Variants in OR52N2 observed in about 807,000 individuals in gnomAD.
The protein encoded by OR52N2 is olfactory receptor family 52 subfamily N member 2, also known as olfactory receptor 52N2.
For missense variants in OR52N2, 326 were observed against 196.6 expected, an observed-to-expected ratio of 1.66 and a Z score of -3.94; for synonymous variants, 129 against 72.0, an observed-to-expected ratio of 1.79 and a Z score of -4.01.
chr11:5,815,360 T>G (rs1316407174), intron 1 of OR52N2, among the ~76,000 whole-genome samples: 1 of 151,996 alleles, frequency 6.6e-6, no homozygotes, highest in African/African-American at 2.4e-5. Context: ...AAAATATATA[T>G]AGAGCTCCTA....
At chr11:5,818,111 A>G (rs1414378522) in intron 1 of OR52N2, among the ~76,000 whole-genome samples, 2 of 152,176 alleles carry the variant, frequency 1.3e-5, no homozygotes, top group African/African-American at 4.8e-5. Flanking sequence ...AAAACTTTTT[A>G]GAGGGCTTAT....
At chr11:5,809,669 A>G (rs1846339429) in intron 1 of OR52N2, among the ~76,000 whole-genome samples, 1 of 152,136 alleles carries the variant, frequency 6.6e-6, no homozygotes. Flanking sequence ...AAAAAAGTAA[A>G]GCTATTTTCA....
intron 1 of OR52N2, among the ~76,000 whole-genome samples, chr11:5,812,558 A>T (rs560492939): frequency 6.6e-6 from 1 of 151,982 alleles, no homozygotes; most frequent in Admixed American, 6.5e-5. Flanking sequence ...AGGTAATTAT[A>T]TATTGATACA....
At chr11:5,817,050 T>C (rs941067698) in intron 1 of OR52N2, among the ~76,000 whole-genome samples, 2 of 152,216 alleles carry the variant, frequency 1.3e-5, no homozygotes, top group African/African-American at 4.8e-5. Context: ...TATACACCTG[T>C]ATGTAATATT....
chr11:5,814,676 C>A (rs1177108709), intron 1 of OR52N2, among the ~76,000 whole-genome samples: 1 of 152,102 alleles, frequency 6.6e-6, no homozygotes, highest in East Asian at 1.9e-4. Flanking sequence ...TTAGTAAAAT[C>A]CCTATCAAAA....
rs1188682740 is a variant in OR52N2, at chr11:5,820,881, C to T, written c.546C>T (p.Asp182=). ...ACTTCATCCCCCACACCTACTGTGA[C>T]CATATGTCTGTGGCCAAGGTATCCT... ...RGNFIPHTYC[D]HMSVAKVSCG... The change falls in exon 2 of 2, where the codon GAC becomes GAT. Residue 182 remains aspartate, a synonymous_variant. Coordinates refer to ENST00000317037, the MANE Select transcript of OR52N2 (RefSeq NM_001005174.3). 1 of 780,908 alleles carries T rather than the reference C, an allele frequency of 1.3e-6. No individual in the cohort carries two copies. The highest frequency in any genetic ancestry group is 2.4e-6 in the Non-Finnish European group (1 of 418,118). The allele number at this position is 780,908 out of a possible 1,614,324, so 48.4% of individuals were successfully genotyped here. A position where few individuals can be genotyped will look rare whatever the true frequency, so the allele number is the denominator to read the frequency against.
At chr11:5,813,099 C>G (rs10838668) in intron 1 of OR52N2, among the ~76,000 whole-genome samples, 68,379 of 151,412 alleles carry the variant, frequency 0.45, 16,997 homozygotes, top group Non-Finnish European at 0.56. Context: ...GCAAGAAACA[C>G]CTACATCAAA....
At chr11:5,810,334 T>G (rs1014462131) in intron 1 of OR52N2, among the ~76,000 whole-genome samples, 1 of 152,210 alleles carries the variant, frequency 6.6e-6, no homozygotes, top group Non-Finnish European at 1.5e-5. Context: ...CATAAAATTG[T>G]TGACATTCTC....
chr11:5,820,569 C>T lies in OR52N2; in HGVS notation c.234C>T (p.Thr78=). ...TCACTGATGTCACCTTGTGCACCAC[C>T]ATGGTACCTAATATGCTGTGCATAT... ...LSFTDVTLCT[T]MVPNMLCIFW... is the part of the protein sequence containing the mutation. The change falls in exon 2 of 2, where the codon ACC becomes ACT. Residue 78 remains threonine (T), a synonymous_variant. Transcript: ENST00000317037. 1 of 781,024 alleles carries T rather than the reference C, an allele frequency of 1.3e-6. No individual in the cohort carries two copies. Among genetic ancestry groups the T allele is most frequent in the Non-Finnish European group, 2.4e-6 (1 of 418,242 alleles). The allele number at this position is 781,024 out of a possible 1,614,324, so 48.4% of individuals were successfully genotyped here.
At chr11:5,810,939 A>G (rs1305465702) in intron 1 of OR52N2, among the ~76,000 whole-genome samples, 2 of 152,146 alleles carry the variant, frequency 1.3e-5, no homozygotes, top group African/African-American at 4.8e-5. Context: ...AAGAAGATGA[A>G]TGATAAAAGC....
intron 1 of OR52N2, among the ~76,000 whole-genome samples, chr11:5,811,822 G>A (rs1173605515): frequency 6.6e-6 from 1 of 152,048 alleles, no homozygotes; most frequent in Non-Finnish European, 1.5e-5. Context: ...TGCCTGTGAG[G>A]GCATCACTTC....
chr11:5,808,996 G>A lies in OR52N2; in HGVS notation c.-113G>A, dbSNP rs1385572507. Among the ~76,000 whole-genome samples the A allele has an allele frequency of 6.6e-6, 1 of 152,034 alleles. No individual in the cohort carries two copies. The highest frequency in any genetic ancestry group is 1.5e-5 in the Non-Finnish European group (1 of 68,004). On this transcript the variant is annotated 5_prime_UTR_variant, in exon 1 of 2. Transcript: ENST00000317037. ...CGAGTTTATTCATCACAATGGGTGG[G>A]TCCCGATCTCCCCTCCCTGAGACTA...
intron 1 of OR52N2, among the ~76,000 whole-genome samples, chr11:5,818,426 T>C (rs1384871605): frequency 1.3e-5 from 2 of 152,036 alleles, no homozygotes; most frequent in Admixed American, 6.6e-5. Context: ...GGGCATCTTG[T>C]TGGAAATTCC....
rs750141570 is a variant in OR52N2 at position 5,820,525 on chromosome 11, T to C, written c.190T>C (p.Phe64Leu). Reference sequence around the variant, plus strand: ...GGCCCTGCACCGGCCCATGTACTACTTCCTGGCCCTGCTCTCCTTCACTGA... The same window carrying C: ...GGCCCTGCACCGGCCCATGTACTACCTCCTGGCCCTGCTCTCCTTCACTGA... The part of the protein sequence containing the change: ...EEALHRPMYY[F>L]LALLSFTDVT... The change falls in exon 2 of 2, where the codon TTC becomes CTC. Residue 64 changes from phenylalanine to leucine, a missense_variant. Transcript: ENST00000317037. The C allele has an allele frequency of 5.6e-5, 44 of 778,824 alleles. No homozygotes were observed. Among genetic ancestry groups the C allele is most frequent in the Non-Finnish European group, 9.6e-5 (40 of 416,958 alleles). The allele number at this position is 778,824 out of a possible 1,614,324, so 48.2% of individuals were successfully genotyped here.
chr11:5,817,873 G>A (rs893202955), intron 1 of OR52N2, among the ~76,000 whole-genome samples: 1 of 152,086 alleles, frequency 6.6e-6, no homozygotes, highest in East Asian at 1.9e-4. Flanking sequence ...AAATATTCAA[G>A]AGTAATAAAA....
Position 5,820,604 on chromosome 11 carries a change from A to AAC in OR52N2, c.269_270insAC (p.Asn90LysfsTer21), listed in dbSNP as rs757560557. 1 of 782,456 alleles carries AAC rather than the reference A, an allele frequency of 1.3e-6. No individual in the cohort carries two copies. The highest frequency in any genetic ancestry group is 2.4e-6 in the Non-Finnish European group (1 of 419,508). The allele number at this position is 782,456 out of a possible 1,614,324, so 48.5% of individuals were successfully genotyped here. On this transcript the variant is annotated frameshift_variant, in exon 2 of 2. Coordinates refer to ENST00000317037, the MANE Select transcript of OR52N2 (RefSeq NM_001005174.3). LOFTEE classifies it low-confidence loss of function (END_TRUNC). ...AATATGCTGTGCATATTCTGGTTCAACCTCAAGGAGATTGACTTTAACGCC... is the reference window on the plus strand; with the variant it reads ...AATATGCTGTGCATATTCTGGTTCAAACCCTCAAGGAGATTGACTTTAACGCC...
At chr11:5,812,927 A>T (rs34930440) in intron 1 of OR52N2, among the ~76,000 whole-genome samples, 16,311 of 152,076 alleles carry the variant, frequency 0.11, 1,099 homozygotes, top group East Asian at 0.25. Flanking sequence ...GGAAGTTTGA[A>T]AAATTTACAA....
At chr11:5,816,545 C>CTTTTTTTTTTTTTTTTTTTTTTTTT (rs1464421774) in intron 1 of OR52N2, among the ~76,000 whole-genome samples, 3 of 150,598 alleles carry the variant, frequency 2.0e-5, no homozygotes, top group Non-Finnish European at 3.0e-5. Flanking sequence ...TGATCTAAAT[C>CTTTTTTTTTTTTTTTTTTTTTTTTT]TTCTTTTTTT....
At chr11:5,817,037 C>T (rs1846410240) in intron 1 of OR52N2, among the ~76,000 whole-genome samples, 2 of 152,096 alleles carry the variant, frequency 1.3e-5, no homozygotes, top group Admixed American at 1.3e-4. Context: ...TCGCAGGAAT[C>T]TTTATACACC....
Sources: gnomAD v4.1 joint callset for allele counts (sites outside exome capture counted in the v4.1 genomes callset) on GRCh38, gnomAD v4.1.1 for gene constraint, MANE v1.5 for transcripts, NCBI Gene and HGNC (gene_info 2026-07-23, HGNC 2026-07-21) for gene names.